OR6C2: variants seen among roughly 807,000 people sequenced by gnomAD.
The protein encoded by OR6C2 is olfactory receptor family 6 subfamily C member 2, also known as olfactory receptor 6C2.
For synonymous variants in OR6C2, 146 were observed against 134.2 expected, an observed-to-expected ratio of 1.09 and a Z score of -0.61; for missense variants, 435 against 365.8, an observed-to-expected ratio of 1.19 and a Z score of -1.54.
At chr12:55,449,851 C>T (rs1565690850) in intron 1 of OR6C2, among the ~76,000 whole-genome samples, 1 of 149,662 alleles carries the variant, frequency 6.7e-6, no homozygotes, top group Non-Finnish European at 1.5e-5. Flanking sequence ...GTTCAGAGAG[C>T]AAAAAAAAAC....
In OR6C2 at chr12:55,452,968, G is replaced by C; in HGVS notation, c.755G>C (p.Ser252Thr). 4.3e-6 allele frequency: 7 copies of C among 1,613,670 alleles called. No individual in the cohort carries two copies. The highest frequency in any genetic ancestry group is 5.9e-6 in the Non-Finnish European group (7 of 1,179,750). The change falls in exon 2 of 2, where the codon AGC (serine) becomes ACC (threonine). Residue 252 changes from serine (S) to threonine (T), a missense_variant. Coordinates refer to ENST00000641202, the MANE Select transcript of OR6C2 (RefSeq NM_054105.2). ...ATTGTGGTTTCCATTGCCTATGGAA[G>C]CTGCATCTTCATCTATATCAAGCCC... ...HMIVVSIAYGSCIFIYIKPSA... is the reference protein window; with the variant it reads ...HMIVVSIAYGTCIFIYIKPSA...
intron 1 of OR6C2, among the ~76,000 whole-genome samples, chr12:55,445,198 C>A (rs1871340098): frequency 6.6e-6 from 1 of 152,168 alleles, no homozygotes; most frequent in South Asian, 2.1e-4. Context: ...GCTCTGTTAG[C>A]ATCTTCATTC....
intron 1 of OR6C2, among the ~76,000 whole-genome samples, chr12:55,449,736 C>A (rs1271266121): frequency 1.3e-5 from 2 of 151,326 alleles, no homozygotes. Context: ...AAAAAAAATT[C>A]TAAGTTCTTA....
chr12:55,450,273 A>G (rs1260530784), intron 1 of OR6C2, among the ~76,000 whole-genome samples: 1 of 152,126 alleles, frequency 6.6e-6, no homozygotes, highest in East Asian at 1.9e-4. Flanking sequence ...GTAAATGAAC[A>G]TTTCCTTGAA....
At chr12:55,446,118 T>A (rs1339361095) in intron 1 of OR6C2, among the ~76,000 whole-genome samples, 1 of 126,440 alleles carries the variant, frequency 7.9e-6, no homozygotes, top group African/African-American at 2.9e-5. Flanking sequence ...TTTCCTTCTT[T>A]CCTTCTTTCC....
intron 1 of OR6C2, among the ~76,000 whole-genome samples, chr12:55,445,254 G>A (rs912919687): frequency 2.0e-5 from 3 of 152,098 alleles, no homozygotes; most frequent in African/African-American, 7.2e-5. Context: ...ATTTGTATTA[G>A]GCTTTCTGCA....
chr12:55,444,349 T>G (rs1871327856), intron 1 of OR6C2, among the ~76,000 whole-genome samples, 190 bp downstream of exon 1: 1 of 152,140 alleles, frequency 6.6e-6, no homozygotes, highest in Non-Finnish European at 1.5e-5. Context: ...TATTTATGCA[T>G]TCCTGTGTAG....
rs771607073 is a variant in OR6C2, at chr12:55,452,553, G to A, written c.340G>A (p.Ala114Thr). ...LFGATEFFLL[A>T]AMSYDRYVAI... ...TGGAGCAACAGAATTTTTTCTCTTG[G>A]CAGCCATGTCCTATGACCGCTATGT... The change falls in exon 2 of 2, where the codon GCA (alanine) becomes ACA (threonine). Residue 114 changes from alanine (A) to threonine (T), a missense_variant. Transcript: ENST00000641202. 6.2e-7 allele frequency: 1 copy of A among 1,613,786 alleles called. No homozygotes were observed. The highest frequency in any genetic ancestry group is 2.2e-5 in the East Asian group (1 of 44,868).
Position 55,452,798 on chromosome 12 carries a change from G to C in OR6C2, c.585G>C (p.Gln195His). ...ISCSDTWVIEQMVILMAVFAL... is the reference protein window; with the variant it reads ...ISCSDTWVIEHMVILMAVFAL... Reference sequence around the variant, plus strand: ...GCTCAGATACATGGGTAATAGAACAGATGGTTATACTTATGGCTGTATTTG... The same window carrying C: ...GCTCAGATACATGGGTAATAGAACACATGGTTATACTTATGGCTGTATTTG... Residue 195 changes from glutamine to histidine, a missense_variant, in exon 2 of 2, where the codon CAG (glutamine) becomes CAC (histidine). Transcript: ENST00000641202. The C allele has an allele frequency of 4.3e-6, 7 of 1,613,804 alleles. No individual in the cohort carries two copies. The highest frequency in any genetic ancestry group is 5.9e-6 in the Non-Finnish European group (7 of 1,179,790).
chr12:55,452,796 C>G lies in OR6C2; in HGVS notation c.583C>G (p.Gln195Glu), dbSNP rs776942553. The G allele has an allele frequency of 4.3e-6, 7 of 1,613,672 alleles. No individual in the cohort carries two copies. The highest frequency in any genetic ancestry group is 2.7e-5 in the African/African-American group (2 of 74,900). ...ISCSDTWVIE[Q>E]MVILMAVFAL... ...ATGCTCAGATACATGGGTAATAGAA[C>G]AGATGGTTATACTTATGGCTGTATT... Residue 195 changes from glutamine to glutamate, a missense_variant, in exon 2 of 2, where the codon CAG (glutamine) becomes GAG (glutamate). Gln to Glu is a conservative substitution (Grantham distance 29). Transcript: ENST00000641202.
intron 1 of OR6C2, among the ~76,000 whole-genome samples, chr12:55,448,142 T>C (rs545118288): frequency 2.0e-5 from 3 of 152,108 alleles, no homozygotes; most frequent in African/African-American, 7.2e-5. Context: ...TCATAAGTCT[T>C]CTTTGGAGAA....
chr12:55,449,403 C>T (rs1871426360), intron 1 of OR6C2, among the ~76,000 whole-genome samples: 1 of 151,792 alleles, frequency 6.6e-6, no homozygotes, highest in Non-Finnish European at 1.5e-5. Context: ...ATGTGTCAAG[C>T]AGAGTCTCCA....
intron 1 of OR6C2, among the ~76,000 whole-genome samples, chr12:55,446,737 C>T (rs1350163714): frequency 6.6e-6 from 1 of 151,958 alleles, no homozygotes; most frequent in Non-Finnish European, 1.5e-5. Context: ...ACACTTGTCA[C>T]AACTTGTCTT....
chr12:55,445,873 A>G (rs1871352195), intron 1 of OR6C2, among the ~76,000 whole-genome samples: 2 of 152,174 alleles, frequency 1.3e-5, no homozygotes, highest in South Asian at 4.1e-4. Context: ...GTGCATATGA[A>G]ACTCTTGGTA....
intron 1 of OR6C2, among the ~76,000 whole-genome samples, chr12:55,446,070 G>A (rs1195360976): frequency 6.6e-6 from 1 of 152,206 alleles, no homozygotes; most frequent in Non-Finnish European, 1.5e-5. Context: ...ATTTCTGGAA[G>A]AATAAAGTAA....
Position 55,452,909 on chromosome 12 carries a change from G to C in OR6C2, c.696G>C (p.Arg232Ser). The C allele has an allele frequency of 6.2e-7, 1 of 1,613,704 alleles. No homozygotes were observed. Among genetic ancestry groups the C allele is most frequent in the South Asian group, 1.1e-5 (1 of 91,074 alleles). The change falls in exon 2 of 2, where the codon AGG (arginine) becomes AGC (serine). Residue 232 changes from arginine (R) to serine (S), a missense_variant. Coordinates refer to ENST00000641202, the MANE Select transcript of OR6C2 (RefSeq NM_054105.2). ...TGAAGTTCCCTTCTGTTCAGCAAAG[G>C]AAAAAGGCCTTTTCTACCTGTTCAT... ...TILKFPSVQQ[R>S]KKAFSTCSSH...
Position 55,451,429 on chromosome 12 carries a change from C to T in OR6C2, c.-785C>T, listed in dbSNP as rs1041154897. On this transcript the variant is annotated 5_prime_UTR_variant, in exon 2 of 2. Transcript: ENST00000641202. ...AACATACGATGTCTTTCTAAAGGAC[C>T]TAAAGATATATTGAAAAAGACGCAG... 5 of 151,818 alleles carry T rather than the reference C, an allele frequency of 3.3e-5. No individual in the cohort carries two copies. Among genetic ancestry groups the T allele is most frequent in the Admixed American group, 6.6e-5 (1 of 15,212 alleles). The allele number at this position is 151,818 out of a possible 1,614,324, so 9.4% of individuals were successfully genotyped here.
At position 55,452,517 on chromosome 12, in the gene OR6C2, G is replaced by A. The variant is rs775550732; in HGVS notation, c.304G>A (p.Val102Ile). 5.0e-6 allele frequency: 8 copies of A among 1,613,702 alleles called. No homozygotes were observed. The African/African-American group carries it at 1.1e-4, about 22-fold the overall frequency. ...TGCTTGTGCCAGTCAAATATTCTTT[G>A]TTATTCTCTTTGGAGCAACAGAATT... is the stretch of plus-strand genomic sequence containing the variant. ...YNACASQIFFVILFGATEFFL... is the reference protein window; with the variant it reads ...YNACASQIFFIILFGATEFFL... The change falls in exon 2 of 2, where the codon GTT becomes ATT. Residue 102 changes from valine to isoleucine, a missense_variant. Transcript: ENST00000641202.
chr12:55,453,080 C>A lies in OR6C2; in HGVS notation c.867C>A (p.Thr289=). Residue 289 remains threonine (T), a synonymous_variant, in exon 2 of 2, where the codon ACC becomes ACA. Coordinates refer to ENST00000641202, the MANE Select transcript of OR6C2 (RefSeq NM_054105.2). ...VAPLLNPFIY[T]LRNKQVKQAF... is the part of the protein sequence containing the mutation. ...CCTTGTTGAACCCCTTCATTTACAC[C>A]TTGAGGAACAAGCAAGTGAAACAAG... 1 of 1,613,332 alleles carries A rather than the reference C, an allele frequency of 6.2e-7. No homozygotes were observed. The highest frequency in any genetic ancestry group is 8.5e-7 in the Non-Finnish European group (1 of 1,179,588).
Sources: allele counts gnomAD v4.1 joint callset (sites outside exome capture counted in the v4.1 genomes callset), GRCh38; gene constraint gnomAD v4.1.1; transcripts MANE v1.5; gene names NCBI Gene and HGNC (gene_info 2026-07-23, HGNC 2026-07-21).